Variants in DLEU7 observed in about 807,000 individuals in gnomAD.
The protein encoded by DLEU7 is deleted in lymphocytic leukemia 7.
A neutral mutation model predicts 16.0 loss-of-function variants in DLEU7; 17 were observed. That is an observed-to-expected ratio of 1.06 (90% confidence interval 0.73 to 1.59). The LOEUF (loss-of-function observed/expected upper bound fraction) is 1.59. Ranked by LOEUF, DLEU7 falls within the 40% of genes most tolerant of loss-of-function variation. The pLI is 0.00. For missense variants in DLEU7, 308 were observed against 314.9 expected, an observed-to-expected ratio of 0.98 and a Z score of 0.17; for synonymous variants, 113 against 139.8, an observed-to-expected ratio of 0.81 and a Z score of 1.35.
intron 1 of DLEU7, among the ~76,000 whole-genome samples, chr13:50,722,345 G>C (rs1256984194): frequency 6.6e-6 from 1 of 152,222 alleles, no homozygotes; most frequent in South Asian, 2.1e-4. Context: ...GGAACACTAA[G>C]ATAGCCATAA....
At chr13:50,746,046 C>G (rs922973929) in intron 1 of DLEU7, among the ~76,000 whole-genome samples, 1 of 152,154 alleles carries the variant, frequency 6.6e-6, no homozygotes, top group African/African-American at 2.4e-5. Flanking sequence ...GACAGCTGTG[C>G]TCCATCAACT....
intron 1 of DLEU7, among the ~76,000 whole-genome samples, chr13:50,796,874 C>A (rs1367589768): frequency 2.0e-5 from 3 of 152,078 alleles, no homozygotes; most frequent in African/African-American, 7.2e-5. Context: ...TCCCAACACC[C>A]CATCTGACCT....
intron 1 of DLEU7, among the ~76,000 whole-genome samples, chr13:50,763,209 G>C (rs1430954406): frequency 6.6e-6 from 1 of 152,140 alleles, no homozygotes; most frequent in African/African-American, 2.4e-5. Flanking sequence ...GGGAGGGCTC[G>C]AGTTATGAAG....
chr13:50,797,450 G>A (rs906699684), intron 1 of DLEU7, among the ~76,000 whole-genome samples: 1 of 152,170 alleles, frequency 6.6e-6, no homozygotes, highest in Non-Finnish European at 1.5e-5. Context: ...CAAGCAGCAC[G>A]TACAAGAAGT....
chr13:50,843,470 G>A lies in DLEU7; in HGVS notation c.177C>T (p.Ala59=). 1 of 1,328,564 alleles carries A rather than the reference G, an allele frequency of 7.5e-7. No homozygotes were observed. The highest frequency in any genetic ancestry group is 9.6e-7 in the Non-Finnish European group (1 of 1,047,116). 82.3% of individuals were successfully genotyped at this position (1,328,564 alleles called of 1,614,324 possible). A position where few individuals can be genotyped will look rare whatever the true frequency, so the allele number is the denominator to read the frequency against. ...GCTCCTCGCGCCCGGGCCCCGGCCGGGCCCGCGGCGGGCCTGAGCGACGGG... is the reference window on the plus strand; with the variant it reads ...GCTCCTCGCGCCCGGGCCCCGGCCGAGCCCGCGGCGGGCCTGAGCGACGGG... ...APARRSGPPR[A]RPGPGREERG... is the part of the protein sequence containing the mutation. The change falls in exon 1 of 2, where the codon GCC becomes GCT. Residue 59 remains alanine (A), a synonymous_variant. Transcript: ENST00000504404. The surrounding 1 kb of genome is among the most constrained non-coding windows in gnomAD (Gnocchi z 5.7).
At chr13:50,732,633 G>A (rs1242963563) in intron 1 of DLEU7, among the ~76,000 whole-genome samples, 1 of 114,008 alleles carries the variant, frequency 8.8e-6, no homozygotes, top group African/African-American at 4.2e-5. Context: ...AAAAGCTTAT[G>A]TGCTTATGTT....
At chr13:50,809,859 ACAAT>A (rs1470131536) in intron 1 of DLEU7, among the ~76,000 whole-genome samples, 1 of 152,128 alleles carries the variant, frequency 6.6e-6, no homozygotes, top group Non-Finnish European at 1.5e-5. Flanking sequence ...AGCTGCATAA[ACAAT>A]GTTCATTCAC....
chr13:50,769,379 T>C (rs1050389932), intron 1 of DLEU7, among the ~76,000 whole-genome samples: 1 of 152,196 alleles, frequency 6.6e-6, no homozygotes, highest in African/African-American at 2.4e-5. Context: ...CTGTCCTGAA[T>C]AGTATTGCCT....
At chr13:50,754,189 A>G (rs1874679234) in intron 1 of DLEU7, among the ~76,000 whole-genome samples, 1 of 152,170 alleles carries the variant, frequency 6.6e-6, no homozygotes, top group African/African-American at 2.4e-5. Context: ...TGTTAAGTCC[A>G]TTTGTTCCAA....
chr13:50,741,098 T>G (rs1299784809), intron 1 of DLEU7, among the ~76,000 whole-genome samples: 1 of 152,210 alleles, frequency 6.6e-6, no homozygotes, highest in Non-Finnish European at 1.5e-5. Flanking sequence ...AACAATCTTC[T>G]CTTCTCAACG....
At chr13:50,783,115 T>C (rs1875701313) in intron 1 of DLEU7, among the ~76,000 whole-genome samples, 1 of 152,226 alleles carries the variant, frequency 6.6e-6, no homozygotes, top group Non-Finnish European at 1.5e-5. Context: ...AGTCTCCTTA[T>C]CTCCGGTAGA....
chr13:50,746,881 C>T (rs1324178566), intron 1 of DLEU7, among the ~76,000 whole-genome samples: 6 of 152,116 alleles, frequency 3.9e-5, no homozygotes, highest in African/African-American at 4.8e-5. Context: ...CTGGCTTCTT[C>T]TAACCACAGT....
intron 1 of DLEU7, among the ~76,000 whole-genome samples, chr13:50,737,522 A>C (rs913104614): frequency 2.1e-4 from 32 of 152,144 alleles, no homozygotes; most frequent in African/African-American, 7.7e-4. Flanking sequence ...TTCTTCCAAT[A>C]ATTCAAACTT....
chr13:50,724,029 G>A (rs1358426852), intron 1 of DLEU7, among the ~76,000 whole-genome samples: 1 of 151,824 alleles, frequency 6.6e-6, no homozygotes, highest in Non-Finnish European at 1.5e-5. Context: ...CACTGAGCAT[G>A]TACTACCATT....
Position 50,843,388 on chromosome 13 carries a change from C to T in DLEU7, c.259G>A (p.Glu87Lys). 1 of 1,348,024 alleles carries T rather than the reference C, an allele frequency of 7.4e-7. No individual in the cohort carries two copies. Among genetic ancestry groups the T allele is most frequent in the Non-Finnish European group, 9.5e-7 (1 of 1,053,706 alleles). The allele number at this position is 1,348,024 out of a possible 1,614,324, so 83.5% of individuals were successfully genotyped here. ...RRTAARANSP[E>K]EEVVRGAEGG... is the part of the protein sequence containing the mutation. ...TCAGCGCCTCGCACTACCTCCTCCT[C>T]TGGGGAGTTCGCCCGCGCCGCGGTC... is the stretch of plus-strand genomic sequence containing the variant. The change falls in exon 1 of 2, where the codon GAG (glutamate) becomes AAG (lysine). Residue 87 changes from glutamate (E) to lysine (K), a missense_variant. Glu to Lys is a moderately conservative substitution (Grantham distance 56, BLOSUM62 1). Coordinates refer to ENST00000504404, the MANE Select transcript of DLEU7 (RefSeq NM_001306135.2). The surrounding 1 kb of genome is among the most constrained non-coding windows in gnomAD (Gnocchi z 5.7).
At chr13:50,718,686 A>G (rs1451798815) in intron 1 of DLEU7, among the ~76,000 whole-genome samples, 1 of 152,250 alleles carries the variant, frequency 6.6e-6, no homozygotes, top group African/African-American at 2.4e-5. Context: ...CTAAATAAGA[A>G]TATTTCCCCA....
intron 1 of DLEU7, among the ~76,000 whole-genome samples, chr13:50,773,876 C>G (rs996644561): frequency 5.3e-5 from 8 of 152,312 alleles, no homozygotes; most frequent in African/African-American, 1.4e-4. Context: ...GCCCTGCCCC[C>G]AGAGATGGAG....
intron 1 of DLEU7, chr13:50,808,747 T>C (rs549564528): frequency 8.5e-5 from 13 of 152,134 alleles, no homozygotes; most frequent in African/African-American, 3.1e-4. Context: ...ATAAATTGGG[T>C]TTAGGAGCCA....
chr13:50,838,965 G>A (rs1237933237), intron 1 of DLEU7, among the ~76,000 whole-genome samples: 2 of 152,154 alleles, frequency 1.3e-5, no homozygotes, highest in African/African-American at 2.4e-5. Flanking sequence ...CCATGATTTT[G>A]GACTTCCAAC....
Sources: gnomAD v4.1 joint callset for allele counts (sites outside exome capture counted in the v4.1 genomes callset) on GRCh38, gnomAD v4.1.1 for gene constraint, Gnocchi (gnomAD v3.1) non-coding constraint, MANE v1.5 for transcripts, NCBI Gene and HGNC (gene_info 2026-07-23, HGNC 2026-07-21) for gene names.